FILIP1L: variants seen among roughly 807,000 people sequenced by gnomAD.
FILIP1L encodes filamin A-interacting protein 1-like.
In FILIP1L, 55 loss-of-function variants were observed where a neutral mutation model predicts 96.6. That is an observed-to-expected ratio of 0.57 (90% CI 0.46 to 0.71). The LOEUF (loss-of-function observed/expected upper bound fraction) is 0.71, where lower values mean the gene tolerates loss of function less well. Among genes scored for constraint, FILIP1L ranks in the 30% least tolerant of loss-of-function variants. The pLI, the probability that FILIP1L is intolerant of heterozygous loss-of-function variation, is 0.00. For synonymous variants in FILIP1L, 467 were observed against 473.9 expected (o/e 0.99, Z 0.19); for missense variants, 1,304 against 1,321.2 (o/e 0.99, Z 0.20).
chr3:100,061,611 C>G (rs916709980), intron 1 of FILIP1L, among the ~76,000 whole-genome samples: 1 of 152,144 alleles, frequency 6.6e-6, no homozygotes, highest in African/African-American at 2.4e-5. Context: ...ATTACAACAC[C>G]ATTAACAACC....
chr3:100,096,753 A>C (rs1326631062), intron 1 of FILIP1L, among the ~76,000 whole-genome samples: 2 of 152,200 alleles, frequency 1.3e-5, no homozygotes, highest in African/African-American at 4.8e-5. Context: ...ATTTTAAAAT[A>C]ACTGAAAGAG....
chr3:99,934,103 C>A (rs1707580509), intron 1 of FILIP1L, among the ~76,000 whole-genome samples: 1 of 152,190 alleles, frequency 6.6e-6, no homozygotes. Context: ...GAAGCTAGAC[C>A]AGGCTTCCCC....
intron 4 of FILIP1L, among the ~76,000 whole-genome samples, chr3:99,853,675 T>C (rs903754501): frequency 6.6e-6 from 1 of 152,232 alleles, no homozygotes; most frequent in East Asian, 1.9e-4. Flanking sequence ...TGTAAATTAG[T>C]TGGCATCCCC....
chr3:99,995,203 A>T (rs565915708), intron 1 of FILIP1L, among the ~76,000 whole-genome samples: 66 of 152,332 alleles, frequency 4.3e-4, no homozygotes, highest in African/African-American at 1.5e-3. Flanking sequence ...GGGTAAATAC[A>T]GCTGTTCCAA....
intron 1 of FILIP1L, among the ~76,000 whole-genome samples, chr3:100,062,514 A>T (rs1026114094): frequency 6.6e-6 from 1 of 152,000 alleles, no homozygotes; most frequent in Non-Finnish European, 1.5e-5. Flanking sequence ...CCAGTCCCTC[A>T]TACGGGGGTC....
chr3:99,895,728 A>T (rs1260715527), intron 4 of FILIP1L, among the ~76,000 whole-genome samples: 1 of 152,124 alleles, frequency 6.6e-6, no homozygotes, highest in Non-Finnish European at 1.5e-5. Flanking sequence ...TTCATCTTTG[A>T]TGGAAAACCT....
At chr3:100,050,394 C>A (rs2065349820) in intron 1 of FILIP1L, among the ~76,000 whole-genome samples, 1 of 152,110 alleles carries the variant, frequency 6.6e-6, no homozygotes, top group East Asian at 1.9e-4. Context: ...AATTTTAAAT[C>A]TCTTAAAATT....
intron 4 of FILIP1L, among the ~76,000 whole-genome samples, chr3:99,869,697 T>A (rs1267592049): frequency 6.6e-6 from 1 of 152,234 alleles, no homozygotes; most frequent in Non-Finnish European, 1.5e-5. Flanking sequence ...ACTTAAGTCT[T>A]GCGAGCCCAA....
chr3:99,993,264 T>G (rs1205950691), intron 1 of FILIP1L, among the ~76,000 whole-genome samples: 1 of 152,122 alleles, frequency 6.6e-6, no homozygotes, highest in African/African-American at 2.4e-5. Flanking sequence ...TAATATTGAT[T>G]CTTCAATCTA....
intron 1 of FILIP1L, among the ~76,000 whole-genome samples, chr3:99,988,539 A>G (rs1329249057): frequency 1.3e-5 from 2 of 150,380 alleles, no homozygotes; most frequent in African/African-American, 4.9e-5. Context: ...AAGAAAGAAA[A>G]GGAAAAAAAA....
chr3:100,086,490 A>G (rs1333505803), intron 1 of FILIP1L, among the ~76,000 whole-genome samples: 1 of 152,176 alleles, frequency 6.6e-6, no homozygotes, highest in Non-Finnish European at 1.5e-5. Context: ...CCTAGTTGAT[A>G]CTCAAATACT....
At position 99,925,579 on chromosome 3, in the gene FILIP1L, T is replaced by TA. The variant is rs34149588; in HGVS notation, c.427-1172dup. Among the ~76,000 whole-genome samples the TA allele has an allele frequency of 2.0e-5, 3 of 151,882 alleles. No homozygotes were observed. In the South Asian group the frequency reaches 6.2e-4, roughly 32 times the overall value. On this transcript the variant is annotated intron_variant, in intron 3 of 5. Transcript: ENST00000477258. ...ATGTGGGACACTTCCAGCAGTAGTT[T>TA]AAAAAAAATTTTTGATTAACAAAAG...
intron 1 of FILIP1L, among the ~76,000 whole-genome samples, chr3:99,935,753 T>C (rs1707645252): frequency 6.6e-6 from 1 of 152,236 alleles, no homozygotes. Context: ...TACAGTGCAG[T>C]TGGCAGTGAG....
intron 1 of FILIP1L, among the ~76,000 whole-genome samples, chr3:99,993,736 C>G (rs1355016743): frequency 1.3e-5 from 2 of 152,008 alleles, no homozygotes; most frequent in Non-Finnish European, 2.9e-5. Flanking sequence ...TGAGATAATA[C>G]AGTTTTTGTC....
chr3:99,962,785 A>G (rs1708533653), intron 1 of FILIP1L, among the ~76,000 whole-genome samples: 1 of 152,214 alleles, frequency 6.6e-6, no homozygotes. Context: ...TGGGAGAGCT[A>G]GGATTTGGCT....
chr3:99,837,978 G>A, intron 5 of FILIP1L, among the ~76,000 whole-genome samples: 1 of 152,168 alleles, frequency 6.6e-6, no homozygotes, highest in East Asian at 1.9e-4. Flanking sequence ...TGGTTGTGAT[G>A]TTCCTTCCGT....
intron 4 of FILIP1L, among the ~76,000 whole-genome samples, chr3:99,875,878 C>T (rs1191219174): frequency 6.6e-6 from 1 of 152,204 alleles, no homozygotes. Flanking sequence ...TTTTCTCCTC[C>T]AGAGAAAACT....
chr3:100,042,288 A>G (rs2065217938), intron 1 of FILIP1L, among the ~76,000 whole-genome samples: 1 of 152,212 alleles, frequency 6.6e-6, no homozygotes, highest in African/African-American at 2.4e-5. Context: ...TGTAAATGTC[A>G]ATATAAACTT....
At chr3:99,852,671 C>T (rs1278251129) in intron 4 of FILIP1L, among the ~76,000 whole-genome samples, 2 of 152,098 alleles carry the variant, frequency 1.3e-5, no homozygotes, top group African/African-American at 4.8e-5. Context: ...GTCTCGATCT[C>T]CTGACCTTGT....
Sources: allele counts gnomAD v4.1 joint callset (sites outside exome capture counted in the v4.1 genomes callset), GRCh38; gene constraint gnomAD v4.1.1; transcripts MANE v1.5; gene names NCBI Gene and HGNC (gene_info 2026-07-23, HGNC 2026-07-21).